The following MDN1 variants were observed in gnomAD, a reference collection of about 807,000 sequenced individuals.
MDN1 encodes the protein midasin.
A neutral mutation model predicts 669.2 loss-of-function variants in MDN1; 266 were observed. The observed-to-expected ratio is 0.40, with a 90% confidence interval of 0.36 to 0.44. MDN1 has a LOEUF of 0.44. Ranked by LOEUF, MDN1 falls within the 20% of genes least tolerant of loss-of-function variation. The pLI is 1.00. For synonymous variants in MDN1, 2,385 were observed against 2,457.1 expected, an observed-to-expected ratio of 0.97 and a Z score of 0.87; for missense variants, 5,940 against 6,754.0, an observed-to-expected ratio of 0.88 and a Z score of 4.22.
chr6:89,790,198 C>G lies in MDN1; in HGVS notation c.1059G>C (p.Gln353His). ...GATCTCCAAGCTGGACTTTGAGAAG[C>G]TGAGGAGGCTTTGTTCTACCTGTCA... Reference protein sequence around the residue: ...AAVTGRTKPPQLLKVQLGDQT... With the variant: ...AAVTGRTKPPHLLKVQLGDQT... The change falls in exon 6 of 102, where the codon CAG becomes CAC. Residue 353 changes from glutamine to histidine, a missense_variant. By Grantham distance (24) the Gln-to-His change is conservative. Transcript: ENST00000369393. 6.2e-7 allele frequency: 1 copy of G among 1,614,150 alleles called. No individual in the cohort carries two copies. Among genetic ancestry groups the G allele is most frequent in the South Asian group, 1.1e-5 (1 of 91,064 alleles).
chr6:89,682,991 G>T, intron 73 of MDN1, 141 bp downstream of exon 73: 1 of 844,118 alleles, frequency 1.2e-6, no homozygotes, highest in South Asian at 1.9e-5. Context: ...GGGAAGTCAG[G>T]CAAATACATG....
intron 84 of MDN1, among the ~76,000 whole-genome samples, chr6:89,666,870 A>G (rs1452369442): frequency 1.3e-5 from 2 of 152,174 alleles, no homozygotes; most frequent in African/African-American, 4.8e-5. Context: ...ATTCTACTTC[A>G]TTAATAGTTT....
chr6:89,747,309 G>A lies in MDN1; in HGVS notation c.3904+20C>T. The A allele has an allele frequency of 6.2e-7, 1 of 1,604,956 alleles. No individual in the cohort carries two copies. Among genetic ancestry groups the A allele is most frequent in the Non-Finnish European group, 8.5e-7 (1 of 1,177,868 alleles). ...CATTTAACATAACTATATATTGAGA[G>A]CATTTGATTGAAAACACACCATCAT... On this transcript the variant is annotated intron_variant, in intron 27 of 101. Transcript: ENST00000369393.
intron 40 of MDN1, among the ~76,000 whole-genome samples, chr6:89,720,010 G>C (rs1814705613): frequency 6.6e-6 from 1 of 150,872 alleles, no homozygotes; most frequent in African/African-American, 2.4e-5. Flanking sequence ...ACAGAAGTAG[G>C]GAAAATTAAA....
At position 89,730,836 on chromosome 6, in the gene MDN1, C is replaced by T. The variant is rs769764632; in HGVS notation, c.5030G>A (p.Arg1677Gln). The change falls in exon 35 of 102, where the codon CGA becomes CAA. Residue 1677 changes from arginine to glutamine, a missense_variant. Physicochemically the swap from Arg to Gln is conservative, Grantham distance 43. Around this residue, in one of 5 missense-constraint regions of MDN1, gnomAD observed 2,292 missense variants for 2,638.3 expected, o/e 0.87. Transcript: ENST00000369393. ...CTCATTTTTCTGATATTCTGTAAGT[C>T]GTACTATCTTGGCAAGCCTCTTGAT... is the stretch of plus-strand genomic sequence containing the variant. ...FLIKRLAKIV[R>Q]LTEYQKNELK... The T allele has an allele frequency of 1.5e-5, 24 of 1,613,894 alleles. No individual in the cohort carries two copies. The highest frequency in any genetic ancestry group is 6.7e-5 in the East Asian group (3 of 44,882).
Position 89,670,088 on chromosome 6 carries a change from G to A in MDN1, c.13956+831C>T, listed in dbSNP as rs934593511. ...CGTGGTGGCACGTGCCTGTAATCAC[G>A]TGGAGATTACAATTACAATTACAAT... On this transcript the variant is annotated intron_variant, in intron 83 of 101. Transcript: ENST00000369393. 3.0e-4 allele frequency among the ~76,000 whole-genome samples: 40 copies of A among 134,592 alleles called. No homozygotes were observed. In the East Asian group the frequency reaches 5.2e-3, roughly 18 times the overall value. The allele number at this position is 134,592 out of a possible 152,430, so 88.3% of individuals were successfully genotyped here.
chr6:89,658,443 G>C (rs1265250831), intron 89 of MDN1, 73 bp from the exon 90 acceptor site: 6 of 1,588,396 alleles, frequency 3.8e-6, no homozygotes, highest in Non-Finnish European at 3.4e-6. Context: ...CTTGCAACAA[G>C]CAGGCTTCCC....
intron 53 of MDN1, among the ~76,000 whole-genome samples, chr6:89,704,744 C>A (rs1479733254): frequency 6.6e-6 from 1 of 152,114 alleles, no homozygotes; most frequent in Admixed American, 6.5e-5. Flanking sequence ...CCATGCCTGG[C>A]TAATTTTTTG....
In MDN1 at chr6:89,760,988, G is replaced by A. The variant is rs199781157; in HGVS notation, c.2460+657C>T. On this transcript the variant is annotated intron_variant, in intron 17 of 101. Transcript: ENST00000369393. ...ATCCTGGCTAACACGGTGAAACCCC[G>A]TCTCTACTAAAAATACAAAAACAAA... Among the ~76,000 whole-genome samples, 4 of 152,000 alleles carry A rather than the reference G, an allele frequency of 2.6e-5. No homozygotes were observed. The East Asian group carries it at 5.8e-4, about 22-fold the overall frequency.
intron 2 of MDN1, among the ~76,000 whole-genome samples, chr6:89,800,304 G>C (rs1767552571): frequency 6.6e-6 from 1 of 152,020 alleles, no homozygotes. Context: ...GCACATGCCT[G>C]TAATCCCAGC....
chr6:89,682,640 G>A (rs894211451), intron 73 of MDN1, among the ~76,000 whole-genome samples: 2 of 149,732 alleles, frequency 1.3e-5, no homozygotes, highest in South Asian at 2.2e-4. Flanking sequence ...CCCAGGAGGC[G>A]GAGCTTGCAG....
intron 9 of MDN1, 84 bp from the exon 10 acceptor site, chr6:89,781,676 G>A (rs1247417892): frequency 8.3e-7 from 1 of 1,200,192 alleles, no homozygotes; most frequent in Non-Finnish European, 1.2e-6. Context: ...AAACTGGTCA[G>A]CCAAAAATTG....
At chr6:89,663,662 C>T (rs1233557024) in intron 85 of MDN1, among the ~76,000 whole-genome samples, 2 of 152,062 alleles carry the variant, frequency 1.3e-5, no homozygotes, top group Admixed American at 6.6e-5. Flanking sequence ...AGGCCCAGTG[C>T]GGTGGCTCAC....
intron 15 of MDN1, among the ~76,000 whole-genome samples, chr6:89,768,539 T>C (rs1817916605): frequency 6.6e-6 from 1 of 152,110 alleles, no homozygotes; most frequent in African/African-American, 2.4e-5. Context: ...AACAAATGAA[T>C]ACACTGGGCA....
intron 97 of MDN1, among the ~76,000 whole-genome samples, chr6:89,649,438 G>C (rs1160950668): frequency 6.6e-6 from 1 of 152,158 alleles, no homozygotes; most frequent in Non-Finnish European, 1.5e-5. Flanking sequence ...ACAAATTTTA[G>C]GTTGCTTATT....
rs747253964 is a variant in MDN1 at position 89,727,902 on chromosome 6, TCC to T, written c.5401_5402del (p.Gly1801ArgfsTer6). 6.2e-7 allele frequency: 1 copy of T among 1,613,848 alleles called. No homozygotes were observed. Among genetic ancestry groups the T allele is most frequent in the South Asian group, 1.1e-5 (1 of 91,054 alleles). ...AGGGGCCATCACGCCAGGCAAACTC[TCC>T]TCCCTTGCCACCTTCAACAGGTAGA... ...ADLPVEGGKG[G>X]EFAWRDGPLL... On this transcript the variant is annotated frameshift_variant, in exon 37 of 102. Transcript: ENST00000369393. LOFTEE classifies it high-confidence loss of function.
intron 53 of MDN1, among the ~76,000 whole-genome samples, chr6:89,703,718 A>G (rs183654556): frequency 1.6e-4 from 24 of 152,278 alleles, no homozygotes; most frequent in African/African-American, 5.8e-4. Flanking sequence ...CACTTCAAGA[A>G]AAACAATTGA....
intron 69 of MDN1, among the ~76,000 whole-genome samples, chr6:89,686,387 T>C (rs915482902): frequency 6.6e-6 from 1 of 151,912 alleles, no homozygotes; most frequent in Non-Finnish European, 1.5e-5. Context: ...ATCGTACCAC[T>C]GTACTCCAGC....
At chr6:89,782,982 T>G (rs2128324948) in intron 9 of MDN1, among the ~76,000 whole-genome samples, 1 of 152,308 alleles carries the variant, frequency 6.6e-6, no homozygotes, top group South Asian at 2.1e-4. Context: ...AGGATGTACG[T>G]CACCTCAGGA....
Sources: allele counts gnomAD v4.1 joint callset (sites outside exome capture counted in the v4.1 genomes callset), GRCh38; gene constraint gnomAD v4.1.1; regional missense constraint gnomAD v4.1.1; transcripts MANE v1.5; gene names NCBI Gene and HGNC (gene_info 2026-07-23, HGNC 2026-07-21).